The following ADCY2 variants were observed in gnomAD, a reference collection of about 807,000 sequenced individuals.
The protein encoded by ADCY2 is adenylate cyclase type 2.
Under a neutral mutation model 125.2 loss-of-function variants are expected in ADCY2, and 31 were observed. The ratio of observed to expected loss-of-function variants is 0.25; its 90% CI spans 0.19 to 0.33. ADCY2 has a LOEUF of 0.33. ADCY2 is among the 10% of genes least tolerant of loss of function. ADCY2 has a pLI of 1.00. For missense variants in ADCY2, 904 were observed against 1,418.2 expected, an observed-to-expected ratio of 0.64 and a Z score of 5.82; for synonymous variants, 512 against 548.4, an observed-to-expected ratio of 0.93 and a Z score of 0.93.
chr5:7,451,263 A>G (rs181504722), intron 2 of ADCY2, among the ~76,000 whole-genome samples: 3 of 152,378 alleles, frequency 2.0e-5, no homozygotes, highest in Admixed American at 2.0e-4. Context: ...CATTAAGAAT[A>G]TTCATGTTCA....
chr5:7,583,120 C>T (rs538440341), intron 3 of ADCY2, among the ~76,000 whole-genome samples: 1 of 151,202 alleles, frequency 6.6e-6, no homozygotes, highest in South Asian at 2.1e-4. Context: ...ATTATAATAT[C>T]TAATAATGAA....
At chr5:7,769,792 T>G (rs10051908) in intron 17 of ADCY2, among the ~76,000 whole-genome samples, 117,716 of 152,080 alleles carry the variant, frequency 0.77, 46,559 homozygotes, top group Non-Finnish European at 0.85. Context: ...GAGACTTTAG[T>G]GTTGATAAAT....
intron 7 of ADCY2, among the ~76,000 whole-genome samples, chr5:7,706,410 C>T (rs963736871): frequency 3.9e-5 from 6 of 152,202 alleles, no homozygotes; most frequent in Admixed American, 6.5e-5. Flanking sequence ...GGCAATGTCA[C>T]GTGATTCTAG....
At chr5:7,587,521 C>T (rs1736672013) in intron 3 of ADCY2, among the ~76,000 whole-genome samples, 1 of 152,182 alleles carries the variant, frequency 6.6e-6, no homozygotes, top group Admixed American at 6.5e-5. Context: ...CGACCAGCCT[C>T]CCCCAGAGTT....
chr5:7,657,172 C>T (rs146313986), intron 4 of ADCY2, among the ~76,000 whole-genome samples: 381 of 152,250 alleles, frequency 2.5e-3, no homozygotes, highest in African/African-American at 8.9e-3. Context: ...AAATCCGAAA[C>T]ACTTCTGGTC....
chr5:7,553,121 G>A (rs1346637051), intron 3 of ADCY2, among the ~76,000 whole-genome samples: 1 of 152,190 alleles, frequency 6.6e-6, no homozygotes, highest in Non-Finnish European at 1.5e-5. Context: ...AAACATGCTG[G>A]TAAGAGAAGA....
chr5:7,603,486 C>T (rs1455878608), intron 3 of ADCY2, among the ~76,000 whole-genome samples: 1 of 152,220 alleles, frequency 6.6e-6, no homozygotes, highest in Non-Finnish European at 1.5e-5. Flanking sequence ...TGATAAATCA[C>T]GTGGCTGCAG....
At chr5:7,499,763 G>T in intron 2 of ADCY2, among the ~76,000 whole-genome samples, 1 of 144,820 alleles carries the variant, frequency 6.9e-6, no homozygotes, top group Non-Finnish European at 1.5e-5. Context: ...ATATATTCTA[G>T]CTACAAATAA....
At chr5:7,768,836 G>A (rs1036810443) in intron 17 of ADCY2, among the ~76,000 whole-genome samples, 7 of 152,132 alleles carry the variant, frequency 4.6e-5, no homozygotes, top group African/African-American at 7.2e-5. Context: ...CCTGGCCAGC[G>A]TTGCCAAGGA....
At chr5:7,514,167 C>T (rs1744174459) in intron 2 of ADCY2, among the ~76,000 whole-genome samples, 1 of 152,160 alleles carries the variant, frequency 6.6e-6, no homozygotes, top group Admixed American at 6.5e-5. Flanking sequence ...TTTGGCCTGT[C>T]ATTGCACTCT....
At chr5:7,462,698 A>G (rs1034927183) in intron 2 of ADCY2, among the ~76,000 whole-genome samples, 5 of 152,238 alleles carry the variant, frequency 3.3e-5, no homozygotes, top group Non-Finnish European at 7.3e-5. Flanking sequence ...TTTTTAGTAT[A>G]TGCTTTGCTT....
chr5:7,709,889 C>T lies in ADCY2; in HGVS notation c.1578+502C>T, dbSNP rs1741385531. ...CAGCATATGAGAAAGCTCCTTACAC[C>T]AGGGACATCTGCGATAAGATGGCTG... On this transcript the variant is annotated intron_variant, in intron 10 of 24. Coordinates refer to ENST00000338316, the MANE Select transcript of ADCY2 (RefSeq NM_020546.3). This position sits in a 1 kb window ranked among gnomAD's most constrained non-coding sequence, Gnocchi z 4.4. Among the ~76,000 whole-genome samples, 1 of 152,094 alleles carries T rather than the reference C, an allele frequency of 6.6e-6. No individual in the cohort carries two copies. Among genetic ancestry groups the T allele is most frequent in the Non-Finnish European group, 1.5e-5 (1 of 68,022 alleles).
chr5:7,554,615 C>T (rs1735446667), intron 3 of ADCY2, among the ~76,000 whole-genome samples: 1 of 152,112 alleles, frequency 6.6e-6, no homozygotes, highest in Admixed American at 6.6e-5. Context: ...CATGTCTGTT[C>T]AGTGGCCAGA....
At chr5:7,681,430 T>C (rs975136338) in intron 4 of ADCY2, among the ~76,000 whole-genome samples, 1 of 152,190 alleles carries the variant, frequency 6.6e-6, no homozygotes, top group Non-Finnish European at 1.5e-5. Context: ...AGAACAAATA[T>C]GCAGAGGTGT....
At chr5:7,717,126 C>T in intron 11 of ADCY2, 31 bp from the exon 12 acceptor site, 2 of 1,427,864 alleles carry the variant, frequency 1.4e-6, no homozygotes, top group Non-Finnish European at 2.0e-6. Flanking sequence ...CTAATAATAT[C>T]CTTACCCATA....
chr5:7,735,998 G>A (rs945274451), intron 14 of ADCY2, among the ~76,000 whole-genome samples: 1 of 152,162 alleles, frequency 6.6e-6, no homozygotes, highest in Admixed American at 6.5e-5. Flanking sequence ...AAGAGTTTGA[G>A]ATCAGCCTGG....
chr5:7,773,966 C>A (rs1437662954), intron 18 of ADCY2, among the ~76,000 whole-genome samples: 2 of 152,194 alleles, frequency 1.3e-5, no homozygotes, highest in Admixed American at 6.5e-5. Context: ...TCTGAACCCA[C>A]CAGATGTCAA....
chr5:7,617,861 T>C (rs1192988926), intron 3 of ADCY2, among the ~76,000 whole-genome samples: 4 of 152,236 alleles, frequency 2.6e-5, no homozygotes, highest in Non-Finnish European at 1.5e-5. Flanking sequence ...CCAGGCATGC[T>C]CTTTCCTAAT....
intron 2 of ADCY2, among the ~76,000 whole-genome samples, chr5:7,518,682 C>T (rs1205456878): frequency 6.6e-6 from 1 of 152,122 alleles, no homozygotes; most frequent in Admixed American, 6.5e-5. Flanking sequence ...TCTAGGCTTC[C>T]TGATGAGGAT....
Sources: allele counts gnomAD v4.1 joint callset (sites outside exome capture counted in the v4.1 genomes callset), GRCh38; gene constraint gnomAD v4.1.1; non-coding constraint Gnocchi (gnomAD v3.1); transcripts MANE v1.5; gene names NCBI Gene and HGNC (gene_info 2026-07-23, HGNC 2026-07-21).